The following PLAA variants were observed in gnomAD, a reference collection of about 807,000 sequenced individuals.
The protein encoded by PLAA is phospholipase A-2-activating protein.
PLAA carries 48 observed loss-of-function variants against 84.1 expected under a neutral mutation model. The ratio of observed to expected loss-of-function variants is 0.57; its 90% confidence interval spans 0.45 to 0.73. The LOEUF is 0.73. Among genes scored for constraint, PLAA ranks in the 30% least tolerant of loss-of-function variants. PLAA has a pLI of 0.00. For missense variants in PLAA, 903 were observed against 954.7 expected, an observed-to-expected ratio of 0.95 and a Z score of 0.71; for synonymous variants, 392 against 336.6, an observed-to-expected ratio of 1.16 and a Z score of -1.80.
At chr9:26,925,199 C>G (rs1008296000) in intron 6 of PLAA, among the ~76,000 whole-genome samples, 1 of 152,194 alleles carries the variant, frequency 6.6e-6, no homozygotes, top group Non-Finnish European at 1.5e-5. Context: ...TCCATTGTCA[C>G]CAGCAGTTAA....
rs748204207 is a variant in PLAA, at chr9:26,930,974, GA to G, written c.344-2567del. Among the ~76,000 whole-genome samples, 123 of 143,892 alleles carry G rather than the reference GA, an allele frequency of 8.5e-4. 1 individual carries two copies. Among genetic ancestry groups the G allele is most frequent in the Admixed American group, 1.9e-3 (28 of 14,402 alleles). 94.4% of individuals were successfully genotyped at this position (143,892 alleles called of 152,430 possible). On this transcript the variant is annotated intron_variant, in intron 2 of 13. Coordinates refer to ENST00000397292, the MANE Select transcript of PLAA (RefSeq NM_001031689.3). ...GATAAAATACCATTTCCCAGTAAAA[GA>G]AAAAAAAAAACAGGACTTCTTGGCA... is the stretch of plus-strand genomic sequence containing the variant.
chr9:26,924,164 C>CT (rs1338469302), intron 6 of PLAA, among the ~76,000 whole-genome samples: 7 of 152,258 alleles, frequency 4.6e-5, no homozygotes, highest in African/African-American at 1.7e-4. Flanking sequence ...GGGTCCAACT[C>CT]TGTCACCTAG....
chr9:26,930,642 G>A (rs1158599092), intron 2 of PLAA, among the ~76,000 whole-genome samples: 3 of 150,542 alleles, frequency 2.0e-5, no homozygotes, highest in Non-Finnish European at 2.9e-5. Flanking sequence ...GAGTGCAATG[G>A]TGCAATCTTG....
intron 11 of PLAA, among the ~76,000 whole-genome samples, 168 bp from the exon 12 acceptor site, chr9:26,910,607 ATATT>A (rs1014300734): frequency 4.5e-4 from 69 of 151,796 alleles, no homozygotes; most frequent in African/African-American, 1.4e-3. Context: ...TGTATAATTT[ATATT>A]TATTGATATA....
At position 26,933,541 on chromosome 9, in the gene PLAA, C is replaced by A. The variant is rs145689225; in HGVS notation, c.343+1472G>T. ...CAGTGGCTCACGCCTGTAATCCCAG[C>A]AATATGGAAGGCCGAGGGGGGCAAA... is the stretch of plus-strand genomic sequence containing the variant. On this transcript the variant is annotated intron_variant, in intron 2 of 13. Coordinates refer to ENST00000397292, the MANE Select transcript of PLAA (RefSeq NM_001031689.3). Among the ~76,000 whole-genome samples, 382 of 152,010 alleles carry A rather than the reference C, an allele frequency of 2.5e-3. 2 individuals are homozygous for A. Among genetic ancestry groups the A allele is most frequent in the African/African-American group, 8.9e-3 (370 of 41,538 alleles).
chr9:26,908,147 A>T, intron 12 of PLAA, 149 bp from the exon 13 acceptor site: 1 of 499,896 alleles, frequency 2.0e-6, no homozygotes, highest in Non-Finnish European at 3.5e-6. Flanking sequence ...TAAAGTAAGG[A>T]TAAGGCTTAT....
chr9:26,935,408 G>C (rs1412078260), intron 1 of PLAA, among the ~76,000 whole-genome samples: 1 of 152,096 alleles, frequency 6.6e-6, no homozygotes, highest in African/African-American at 2.4e-5. Context: ...AGAGAAGTTT[G>C]TTTAGTGTTT....
rs774591167 is a variant in PLAA at position 26,946,938 on chromosome 9, G to T, written c.108C>A (p.Ser36=). The change falls in exon 1 of 14, where the codon TCC becomes TCA. Residue 36 remains serine (S), a synonymous_variant. Transcript: ENST00000397292. The part of the protein sequence containing the change: ...CCAYPPGAFV[S]VSRDRTTRLW... The stretch of plus-strand genomic sequence containing the variant: ...GGCGGGTGGTGCGGTCTCGGGACAC[G>T]GACACAAAGGCTCCCGGCGGATAGG... 8.2e-6 allele frequency: 13 copies of T among 1,584,560 alleles called. No individual in the cohort carries two copies. In the South Asian group the frequency reaches 1.0e-4, roughly 13 times the overall value.
intron 2 of PLAA, among the ~76,000 whole-genome samples, chr9:26,930,018 T>G (rs147580073): frequency 0.036 from 5,478 of 152,232 alleles, 163 homozygotes; most frequent in South Asian, 0.099. Context: ...TTTGGTGTTT[T>G]TTTAAAATTG....
chr9:26,905,660 C>T lies in PLAA; in HGVS notation c.2239G>A (p.Val747Met), dbSNP rs1476447066. 2 of 1,614,186 alleles carry T rather than the reference C, an allele frequency of 1.2e-6. No individual in the cohort carries two copies. Among genetic ancestry groups the T allele is most frequent in the East Asian group, 2.2e-5 (1 of 44,886 alleles). ...TCACTGATAAGTGTTCCAAGAGCCA[C>T]AAGAAGTCTAAAAGTGGCTTCTAGG... ...QDLEATFRLL[V>M]ALGTLISDDS... is the part of the protein sequence containing the mutation. The change falls in exon 14 of 14, where the codon GTG becomes ATG. Residue 747 changes from valine to methionine, a missense_variant. Transcript: ENST00000397292.
At position 26,906,007 on chromosome 9, in the gene PLAA, C is replaced by T; in HGVS notation, c.1892G>A (p.Cys631Tyr). 6.2e-7 allele frequency: 1 copy of T among 1,613,178 alleles called. No individual in the cohort carries two copies. Among genetic ancestry groups the T allele is most frequent in the Non-Finnish European group, 8.5e-7 (1 of 1,179,462 alleles). Residue 631 changes from cysteine (C) to tyrosine (Y), a missense_variant, in exon 14 of 14, where the codon TGC becomes TAC. Cys to Tyr is a radical substitution (Grantham distance 194). Coordinates refer to ENST00000397292, the MANE Select transcript of PLAA (RefSeq NM_001031689.3). ...GAACTGAGCCCCTTCCTTTTCATTG[C>T]AGAAGTTCTCATTCACACTGGGGTG... The part of the protein sequence containing the change: ...IKHPSVNENF[C>Y]NEKEGAQFSS...
intron 12 of PLAA, among the ~76,000 whole-genome samples, chr9:26,908,425 C>T (rs950355188): frequency 6.6e-5 from 10 of 151,296 alleles, no homozygotes; most frequent in Admixed American, 1.3e-4. Context: ...CTTAGCCTCC[C>T]GAAGTGCTGT....
At chr9:26,945,442 T>G (rs1825663454) in intron 1 of PLAA, among the ~76,000 whole-genome samples, 1 of 152,230 alleles carries the variant, frequency 6.6e-6, no homozygotes, top group Non-Finnish European at 1.5e-5. Context: ...GTTTTGGATA[T>G]TATAGAATTT....
intron 12 of PLAA, among the ~76,000 whole-genome samples, chr9:26,909,743 C>T (rs138546237): frequency 3.1e-4 from 47 of 152,196 alleles, no homozygotes; most frequent in African/African-American, 7.7e-4. Context: ...CGTGCCTCAG[C>T]CTCCAGAGTA....
chr9:26,927,710 T>C (rs1161261951), intron 4 of PLAA, among the ~76,000 whole-genome samples: 2 of 152,200 alleles, frequency 1.3e-5, no homozygotes, highest in Non-Finnish European at 1.5e-5. Context: ...ACACTAATAA[T>C]GATTTCTTCC....
intron 1 of PLAA, among the ~76,000 whole-genome samples, chr9:26,936,863 G>A (rs977697167): frequency 4.6e-5 from 7 of 152,122 alleles, no homozygotes; most frequent in Non-Finnish European, 7.3e-5. Flanking sequence ...ATGCCCGGCC[G>A]GGCACAGTGG....
chr9:26,934,451 C>G (rs1356280465), intron 2 of PLAA, among the ~76,000 whole-genome samples: 2 of 150,062 alleles, frequency 1.3e-5, no homozygotes, highest in East Asian at 1.9e-4. Flanking sequence ...AATTATATAG[C>G]CTCTTTTATT....
intron 12 of PLAA, among the ~76,000 whole-genome samples, chr9:26,909,712 C>T (rs1255866684): frequency 6.6e-6 from 1 of 152,074 alleles, no homozygotes; most frequent in Non-Finnish European, 1.5e-5. Context: ...ACTCCTCCAC[C>T]TCCCAGGTTC....
Position 26,905,558 on chromosome 9 carries a change from G to A in PLAA, c.2341C>T (p.Pro781Ser), listed in dbSNP as rs1252021443. 1 of 1,613,828 alleles carries A rather than the reference G, an allele frequency of 6.2e-7. No homozygotes were observed. The change falls in exon 14 of 14, where the codon CCA becomes TCA. Residue 781 changes from proline to serine, a missense_variant. Pro to Ser is a moderately conservative substitution (Grantham distance 74). Coordinates refer to ENST00000397292, the MANE Select transcript of PLAA (RefSeq NM_001031689.3). Reference protein sequence around the residue: ...QIKKYSSVSEPAKVSECCRFI... With the variant: ...QIKKYSSVSESAKVSECCRFI... The stretch of plus-strand genomic sequence containing the variant: ...CTACAGCATTCACTTACTTTAGCTG[G>A]TTCTGATACTGAGGAATACTTTTTT...
Sources: gnomAD v4.1 joint callset for allele counts (sites outside exome capture counted in the v4.1 genomes callset) on GRCh38, gnomAD v4.1.1 for gene constraint, MANE v1.5 for transcripts, NCBI Gene and HGNC (gene_info 2026-07-23, HGNC 2026-07-21) for gene names.